ANXA8: variants seen among roughly 807,000 people sequenced by gnomAD.
ANXA8 encodes the protein VAC-beta.
A neutral mutation model predicts 26.8 loss-of-function variants in ANXA8; 9 were observed. The observed-to-expected ratio is 0.34, with a 90% CI of 0.20 to 0.59. The LOEUF is 0.59. Ranked by LOEUF, ANXA8 falls within the 20% of genes least tolerant of loss-of-function variation. The probability of loss-of-function intolerance (pLI) is 0.84; values close to 1 mark genes in which losing one functional copy is unlikely to be tolerated. For synonymous variants in ANXA8, 39 were observed against 94.8 expected (o/e 0.41, Z 3.42); for missense variants, 83 against 238.5 (o/e 0.35, Z 4.29).
chr10:47,938,733 C>T, the ANXA8 span, among the ~76,000 whole-genome samples: 13 of 148,940 alleles, frequency 8.7e-5, no homozygotes, highest in South Asian at 4.2e-4. Flanking sequence ...CTTGCCTGAA[C>T]TGGCCCCACA....
At chr10:47,560,136 A>G in the ANXA8 span, among the ~76,000 whole-genome samples, 1 of 151,790 alleles carries the variant, frequency 6.6e-6, no homozygotes, top group African/African-American at 2.4e-5. Flanking sequence ...GTGGAAGGAG[A>G]GGTCTGGTTC....
chr10:47,957,651 C>T, the ANXA8 span, among the ~76,000 whole-genome samples: 24,416 of 142,884 alleles, frequency 0.17, 66 homozygotes, highest in Non-Finnish European at 0.25. Flanking sequence ...TATTATCTCA[C>T]GGTTCTGGAA....
At chr10:47,584,783 T>C in the ANXA8 span, among the ~76,000 whole-genome samples, 2 of 121,574 alleles carry the variant, frequency 1.6e-5, no homozygotes, top group African/African-American at 3.8e-5. Flanking sequence ...GTAGGAGATA[T>C]TGTGAATAGA....
chr10:47,755,249 C>G, the ANXA8 span, among the ~76,000 whole-genome samples: 1 of 150,914 alleles, frequency 6.6e-6, no homozygotes, highest in Non-Finnish European at 1.5e-5. Context: ...GCCACCGCAC[C>G]CAGCCAACCT....
the ANXA8 span, among the ~76,000 whole-genome samples, chr10:47,767,644 G>C: frequency 1.3e-5 from 2 of 151,326 alleles, no homozygotes; most frequent in African/African-American, 4.9e-5. Flanking sequence ...CCCAGGCCTG[G>C]CTGCTCAGCC....
chr10:47,748,213 T>C, the ANXA8 span, among the ~76,000 whole-genome samples: 130 of 149,096 alleles, frequency 8.7e-4, no homozygotes, highest in Middle Eastern at 3.4e-3. Context: ...ACTTTTTTTT[T>C]ATTATTATTT....
At chr10:47,628,371 A>G in the ANXA8 span, among the ~76,000 whole-genome samples, 2 of 151,852 alleles carry the variant, frequency 1.3e-5, no homozygotes, top group Non-Finnish European at 3.0e-5. Context: ...GAAGAAAATT[A>G]TATATTCAAG....
At chr10:47,576,573 C>T in the ANXA8 span, among the ~76,000 whole-genome samples, 1 of 151,156 alleles carries the variant, frequency 6.6e-6, no homozygotes, top group Non-Finnish European at 1.5e-5. Context: ...AAGCAATCCT[C>T]CCCCTTCAGC....
chr10:47,570,606 A>AC, the ANXA8 span, among the ~76,000 whole-genome samples: 1 of 149,848 alleles, frequency 6.7e-6, no homozygotes, highest in African/African-American at 2.5e-5. Context: ...ATATAGCGAG[A>AC]CCCCGTCTCT....
At chr10:47,743,263 T>TAC in the ANXA8 span, among the ~76,000 whole-genome samples, 13 of 116,252 alleles carry the variant, frequency 1.1e-4, no homozygotes, top group South Asian at 7.8e-4. Context: ...TATATATATA[T>TAC]ACATATATAT....
At chr10:47,745,044 C>T in the ANXA8 span, among the ~76,000 whole-genome samples, 202 of 151,822 alleles carry the variant, frequency 1.3e-3, no homozygotes, top group African/African-American at 4.7e-3. Flanking sequence ...AGGCATTGGG[C>T]GGGTAGCAGT....
the ANXA8 span, among the ~76,000 whole-genome samples, chr10:47,579,208 C>T: frequency 5.4e-5 from 5 of 91,958 alleles, no homozygotes; most frequent in African/African-American, 6.7e-5. Context: ...GGCACAATCA[C>T]GGCTCACTAC....
the ANXA8 span, among the ~76,000 whole-genome samples, chr10:47,909,890 G>C: frequency 7.9e-6 from 1 of 126,020 alleles, no homozygotes; most frequent in Non-Finnish European, 1.7e-5. Flanking sequence ...ATTTGAGATG[G>C]GGAATAGAAT....
chr10:47,894,647 ACAC>A, the ANXA8 span, among the ~76,000 whole-genome samples: 8 of 150,460 alleles, frequency 5.3e-5, no homozygotes, highest in Non-Finnish European at 8.9e-5. Flanking sequence ...CACACCACAC[ACAC>A]CACAGAATAC....
At chr10:47,743,299 T>TATATATATACAC in the ANXA8 span, among the ~76,000 whole-genome samples, 2 of 9,408 alleles carry the variant, frequency 2.1e-4, no homozygotes, top group African/African-American at 7.2e-4. Flanking sequence ...TATATACACA[T>TATATATATACAC]ATATATATAT....
At chr10:47,573,789 T>C in the ANXA8 span, among the ~76,000 whole-genome samples, 1 of 141,094 alleles carries the variant, frequency 7.1e-6, no homozygotes, top group Middle Eastern at 3.7e-3. Context: ...CTTGTTGACT[T>C]CATGAGATTT....
chr10:47,643,556 C>CAATA, the ANXA8 span, among the ~76,000 whole-genome samples: 1 of 148,018 alleles, frequency 6.8e-6, no homozygotes, highest in South Asian at 2.1e-4. Flanking sequence ...ATCAATCAAT[C>CAATA]AATAAAACTT....
At chr10:47,483,117 C>T (rs1839893658) in intron 1 of ANXA8, among the ~76,000 whole-genome samples, 1 of 151,658 alleles carries the variant, frequency 6.6e-6, no homozygotes, top group African/African-American at 2.4e-5. Flanking sequence ...CAGGCTCAAC[C>T]ATAGATGGAA....
At chr10:47,656,285 C>G in the ANXA8 span, among the ~76,000 whole-genome samples, 1 of 151,442 alleles carries the variant, frequency 6.6e-6, no homozygotes, top group African/African-American at 2.4e-5. Flanking sequence ...GTAGTCCCAG[C>G]TACTTGAGAG....
Sources: gnomAD v4.1 joint callset for allele counts (sites outside exome capture counted in the v4.1 genomes callset) on GRCh38, gnomAD v4.1.1 for gene constraint, MANE v1.5 for transcripts, NCBI Gene and HGNC (gene_info 2026-07-23, HGNC 2026-07-21) for gene names.